MXRA5: variants seen among roughly 807,000 people sequenced by gnomAD.
MXRA5 encodes matrix-remodeling-associated protein 5.
MXRA5 carries 41 observed loss-of-function variants against 112.5 expected under a neutral mutation model. That is an observed-to-expected ratio of 0.36 (90% CI 0.28 to 0.47). The LOEUF (loss-of-function observed/expected upper bound fraction) is 0.47, where lower values mean the gene tolerates loss of function less well. Among genes scored for constraint, MXRA5 ranks in the 20% least tolerant of loss-of-function variants. The probability of loss-of-function intolerance (pLI) is 0.99; values close to 1 mark genes in which losing one functional copy is unlikely to be tolerated. For missense variants in MXRA5, 2,150 were observed against 2,251.0 expected, an observed-to-expected ratio of 0.96 and a Z score of 0.91; for synonymous variants, 862 against 900.8, an observed-to-expected ratio of 0.96 and a Z score of 0.77.
Position 3,310,106 on chromosome X carries a change from A to G in MXRA5, c.8097T>C (p.Arg2699=), listed in dbSNP as rs916711234. The change falls in exon 7 of 7, where the codon CGT becomes CGC. Residue 2699 remains arginine, a synonymous_variant. Coordinates refer to ENST00000217939, the MANE Select transcript of MXRA5 (RefSeq NM_015419.4). ...TACCCCTGTCAAACACCGAGGCCTC[A>G]CGAACCGTGAGGGTGCCATTGTCCA... The part of the protein sequence containing the change: ...SLLDNGTLTV[R]EASVFDRGTY... 9 of 1,211,475 alleles carry G rather than the reference A, an allele frequency of 7.4e-6. No individual in the cohort carries two copies. Among genetic ancestry groups the G allele is most frequent in the Non-Finnish European group, 1.0e-5 (9 of 895,414 alleles).
In MXRA5 at chrX:3,321,624, G is replaced by A. The variant is rs760825171; in HGVS notation, c.4061C>T (p.Thr1354Ile). ...CATAGTGGAGACCAAGGAGCGAGAA[G>A]TTGGTATGGCATTAGTAATTGATTC... Reference protein sequence around the residue: ...TGESITNAIPTSRSLVSTMGE... With the variant: ...TGESITNAIPISRSLVSTMGE... The change falls in exon 5 of 7, where the codon ACT (threonine) becomes ATT (isoleucine). Residue 1354 changes from threonine (T) to isoleucine (I), a missense_variant. Physicochemically the swap from Thr to Ile is moderately conservative, Grantham distance 89. This residue lies in a region of MXRA5 where 1,485 missense variants were observed against 1,471.6 expected (regional missense o/e 1.01). Transcript: ENST00000217939. 1 of 1,211,465 alleles carries A rather than the reference G, an allele frequency of 8.3e-7. No individual in the cohort carries two copies. Among genetic ancestry groups the A allele is most frequent in the Admixed American group, 2.2e-5 (1 of 46,076 alleles).
Position 3,310,295 on chromosome X carries a change from C to T in MXRA5, c.7908G>A (p.Lys2636=). Residue 2636 remains lysine (K), a synonymous_variant, in exon 7 of 7, where the codon AAG becomes AAA. Coordinates refer to ENST00000217939, the MANE Select transcript of MXRA5 (RefSeq NM_015419.4). ...TATGATACTGCTTGTTTGCTTCTGG[C>T]TTCAGTCCCACCTTCAGGGAGACCA... ...ERLVSLKVGL[K]PEANKQYHNL... is the part of the protein sequence containing the mutation. 1 of 1,209,673 alleles carries T rather than the reference C, an allele frequency of 8.3e-7. No individual in the cohort carries two copies. Among genetic ancestry groups the T allele is most frequent in the Non-Finnish European group, 1.1e-6 (1 of 893,982 alleles).
At chrX:3,337,767 T>C (rs1921814913) in intron 2 of MXRA5, among the ~76,000 whole-genome samples, 1 of 111,450 alleles carries the variant, frequency 9.0e-6, no homozygotes, top group African/African-American at 3.3e-5. Context: ...GGTGTGGCAG[T>C]AAGCATGAAG....
chrX:3,333,528 G>C (rs189024176), intron 2 of MXRA5, among the ~76,000 whole-genome samples: 1 of 110,438 alleles, frequency 9.1e-6, no homozygotes, highest in East Asian at 2.8e-4. Flanking sequence ...CCTTTACAAA[G>C]AAGAGGAGAC....
At position 3,330,067 on chromosome X, in the gene MXRA5, G is replaced by T; in HGVS notation, c.660C>A (p.Thr220=). 8.3e-7 allele frequency: 1 copy of T among 1,211,079 alleles called. No homozygotes were observed. ...AAAACCATCTCATCTCACAATCGCA[G>T]GTCCACGGATTTCCCTGCAAGTAAA... The part of the protein sequence containing the change: ...ENLYLQGNPW[T]CDCEMRWFLE... Residue 220 remains threonine (T), a synonymous_variant, in exon 4 of 7, where the codon ACC becomes ACA. Coordinates refer to ENST00000217939, the MANE Select transcript of MXRA5 (RefSeq NM_015419.4).
Position 3,317,181 on chromosome X carries a change from T to C in MXRA5, c.6500A>G (p.Asp2167Gly). Reference sequence around the variant, plus strand: ...CCAGGGGTCCCCCGAGGCGCTGCAGTCCAGCTTGAGGGTTCCTCCGTACCT... The same window carrying C: ...CCAGGGGTCCCCCGAGGCGCTGCAGCCCAGCTTGAGGGTTCCTCCGTACCT... ...DVRYGGTLKL[D>G]CSASGDPWPR... is the part of the protein sequence containing the mutation. Residue 2167 changes from aspartate to glycine, a missense_variant, in exon 6 of 7, where the codon GAC becomes GGC. This residue lies in a region of MXRA5 where 1,485 missense variants were observed against 1,471.6 expected (regional missense o/e 1.01). Transcript: ENST00000217939. 1 of 1,209,371 alleles carries C rather than the reference T, an allele frequency of 8.3e-7. No individual in the cohort carries two copies. Among genetic ancestry groups the C allele is most frequent in the South Asian group, 1.8e-5 (1 of 56,504 alleles).
Position 3,321,214 on chromosome X carries a change from G to C in MXRA5, c.4471C>G (p.Pro1491Ala), listed in dbSNP as rs754393038. The C allele has an allele frequency of 8.3e-7, 1 of 1,211,367 alleles. No individual in the cohort carries two copies. Among genetic ancestry groups the C allele is most frequent in the Non-Finnish European group, 1.1e-6 (1 of 895,107 alleles). The change falls in exon 5 of 7, where the codon CCA becomes GCA. Residue 1491 changes from proline (P) to alanine (A), a missense_variant. By Grantham distance (27) the Pro-to-Ala change is conservative. Coordinates refer to ENST00000217939, the MANE Select transcript of MXRA5 (RefSeq NM_015419.4). ...HTPTAARMKEPASSSPSTILM... is the reference protein window; with the variant it reads ...HTPTAARMKEAASSSPSTILM... The stretch of plus-strand genomic sequence containing the variant: ...ATTGTGGATGGGGACGAGGATGCTG[G>C]CTCCTTCATCCGGGCAGCAGTAGGG...
chrX:3,309,755 G>A lies in MXRA5; in HGVS notation c.8448C>T (p.Leu2816=), dbSNP rs774460007. 5.8e-6 allele frequency: 7 copies of A among 1,211,686 alleles called. No individual in the cohort carries two copies. The highest frequency in any genetic ancestry group is 2.2e-5 in the Admixed American group (1 of 46,041). The change falls in exon 7 of 7, where the codon CTC becomes CTT. Residue 2816 remains leucine (L), a synonymous_variant. Transcript: ENST00000217939. ...TGTAAGTTGTTTTGGAGTCACTGCC[G>A]AGAATGTTTTTTGCCATGCACTTGT... The part of the protein sequence containing the change: ...GFYKCMAKNI[L]GSDSKTTYIH...
In MXRA5 at chrX:3,320,594, G is replaced by C. The variant is rs145151600; in HGVS notation, c.5091C>G (p.Gly1697=). The C allele has an allele frequency of 2.7e-5, 33 of 1,210,196 alleles. No individual in the cohort carries two copies. The highest frequency in any genetic ancestry group is 3.4e-5 in the Non-Finnish European group (30 of 895,078). ...FTDRRTDQFN[G]YSKVFGNNNI... ...TGTTATTTCCAAACACTTTGGAGTAGCCATTGAATTGGTCAGTTCTTCGGT... is the reference window on the plus strand; with the variant it reads ...TGTTATTTCCAAACACTTTGGAGTACCCATTGAATTGGTCAGTTCTTCGGT... The change falls in exon 5 of 7, where the codon GGC becomes GGG. Residue 1697 remains glycine, a synonymous_variant. Coordinates refer to ENST00000217939, the MANE Select transcript of MXRA5 (RefSeq NM_015419.4).
At position 3,319,988 on chromosome X, in the gene MXRA5, T is replaced by C; in HGVS notation, c.5677+20A>G. On this transcript the variant is annotated intron_variant, in intron 5 of 6. Coordinates refer to ENST00000217939, the MANE Select transcript of MXRA5 (RefSeq NM_015419.4). The stretch of plus-strand genomic sequence containing the variant: ...AAAAATTGACCAAAAAAAAAAAAAG[T>C]AGATGCTTAAACATCTTACCTGTGG... The C allele has an allele frequency of 1.8e-6, 2 of 1,089,975 alleles. No individual in the cohort carries two copies. The highest frequency in any genetic ancestry group is 2.2e-5 in the South Asian group (1 of 44,479). 89.8% of individuals were successfully genotyped at this position (1,089,975 alleles called of 1,213,427 possible).
At position 3,311,423 on chromosome X, in the gene MXRA5, G is replaced by A. The variant is rs1920988834; in HGVS notation, c.6780C>T (p.Asp2260=). The A allele has an allele frequency of 1.7e-6, 2 of 1,210,072 alleles. No homozygotes were observed. The highest frequency in any genetic ancestry group is 2.2e-6 in the Non-Finnish European group (2 of 895,357). The part of the protein sequence containing the change: ...ENDHKVFYGG[D]LKVDCVATGL... ...CGGTGGCCACACAGTCCACTTTCAG[G>A]TCACCCCCGTAGAAGACTTTGTGGT... is the stretch of plus-strand genomic sequence containing the variant. Residue 2260 remains aspartate (D), a synonymous_variant, in exon 7 of 7, where the codon GAC becomes GAT. Transcript: ENST00000217939.
Position 3,338,357 on chromosome X carries a change from G to T in MXRA5, c.188+5289C>A, listed in dbSNP as rs754169638. Among the ~76,000 whole-genome samples the T allele has an allele frequency of 4.5e-5, 5 of 111,519 alleles. No homozygotes were observed. The East Asian group carries it at 8.4e-4, about 19-fold the overall frequency. Reference sequence around the variant, plus strand: ...TAGATAGATGATAGATAGATAGATAGGCAGACAGATGATAAATAGATAGAT... The same window carrying T: ...TAGATAGATGATAGATAGATAGATATGCAGACAGATGATAAATAGATAGAT... On this transcript the variant is annotated intron_variant, in intron 2 of 6. Transcript: ENST00000217939.
chrX:3,315,838 T>C (rs1921100676), intron 6 of MXRA5, among the ~76,000 whole-genome samples: 1 of 110,408 alleles, frequency 9.1e-6, no homozygotes, highest in East Asian at 2.8e-4. Context: ...GCCTAACACG[T>C]CTATGTATTT....
At chrX:3,315,858 C>A (rs1921101153) in intron 6 of MXRA5, among the ~76,000 whole-genome samples, 1 of 109,802 alleles carries the variant, frequency 9.1e-6, no homozygotes, top group South Asian at 3.9e-4. Flanking sequence ...TTGTTGAAAT[C>A]AATAATGGAA....
intron 2 of MXRA5, among the ~76,000 whole-genome samples, chrX:3,341,499 T>TTATTATTATATATAATATATATAATATA (rs1921966075): frequency 2.8e-4 from 6 of 21,675 alleles, no homozygotes; most frequent in Non-Finnish European, 3.5e-4. Flanking sequence ...GTAATATATA[T>TTATTATTATATATAATATATATAATATA]TATTATTATA....
intron 2 of MXRA5, among the ~76,000 whole-genome samples, chrX:3,341,615 A>C (rs866399796): frequency 1.8e-5 from 1 of 54,911 alleles, no homozygotes. Flanking sequence ...TAATATATAT[A>C]ATATATAATA....
Position 3,322,805 on chromosome X carries a change from A to C in MXRA5, c.2880T>G (p.Tyr960Ter). ...GSSPEPTSSEYEPPLDAVSLA... is the reference protein window; with the variant it reads ...GSSPEPTSSE ...AGGAGACAGCATCCAATGGAGGCTC[A>C]TACTCACTGGATGTGGGCTCTGGTG... The change falls in exon 5 of 7, where the codon TAT becomes TAG. Residue 960 changes from tyrosine (Y) to a stop codon, truncating the protein, a stop_gained. Coordinates refer to ENST00000217939, the MANE Select transcript of MXRA5 (RefSeq NM_015419.4). LOFTEE classifies it high-confidence loss of function. The C allele has an allele frequency of 5.0e-6, 6 of 1,211,796 alleles. No individual in the cohort carries two copies. Among genetic ancestry groups the C allele is most frequent in the Non-Finnish European group, 6.7e-6 (6 of 895,517 alleles).
intron 2 of MXRA5, among the ~76,000 whole-genome samples, chrX:3,333,427 C>T (rs1044518362): frequency 1.9e-5 from 2 of 107,796 alleles, no homozygotes; most frequent in Admixed American, 1.0e-4. Flanking sequence ...AAGTTTTTTT[C>T]CTATTACCTA....
In MXRA5 at chrX:3,321,358, G is replaced by A; in HGVS notation, c.4327C>T (p.Leu1443Phe). Reference protein sequence around the residue: ...HQEEAGSSTTLSSIKVEVASS... With the variant: ...HQEEAGSSTTFSSIKVEVASS... Reference sequence around the variant, plus strand: ...GCCACCTCCACTTTTATGCTTGAGAGAGTTGTGGAAGAACCAGCTTCTTCC... The same window carrying A: ...GCCACCTCCACTTTTATGCTTGAGAAAGTTGTGGAAGAACCAGCTTCTTCC... Residue 1443 changes from leucine (L) to phenylalanine (F), a missense_variant, in exon 5 of 7, where the codon CTC becomes TTC. Coordinates refer to ENST00000217939, the MANE Select transcript of MXRA5 (RefSeq NM_015419.4). 1 of 1,211,865 alleles carries A rather than the reference G, an allele frequency of 8.3e-7. No individual in the cohort carries two copies. The highest frequency in any genetic ancestry group is 1.8e-5 in the South Asian group (1 of 57,009).
Sources: allele counts gnomAD v4.1 joint callset (sites outside exome capture counted in the v4.1 genomes callset), GRCh38; gene constraint gnomAD v4.1.1; regional missense constraint gnomAD v4.1.1; transcripts MANE v1.5; gene names NCBI Gene and HGNC (gene_info 2026-07-23, HGNC 2026-07-21).